The following EPC2 variants were observed in gnomAD, a reference collection of about 807,000 sequenced individuals.
EPC2 encodes the protein enhancer of polycomb homolog 2.
In EPC2, 14 loss-of-function variants were observed where a neutral mutation model predicts 92.1. The ratio of observed to expected loss-of-function variants is 0.15; its 90% CI spans 0.10 to 0.24. EPC2 has a LOEUF of 0.24. Ranked by LOEUF, EPC2 falls within the 10% of genes least tolerant of loss-of-function variation. The probability of loss-of-function intolerance (pLI) is 1.00; values close to 1 mark genes in which losing one functional copy is unlikely to be tolerated. For synonymous variants in EPC2, 340 were observed against 334.7 expected, an observed-to-expected ratio of 1.02 and a Z score of -0.17; for missense variants, 755 against 971.5, an observed-to-expected ratio of 0.78 and a Z score of 2.96.
chr2:148,782,264 C>T (rs1683767189), intron 11 of EPC2, among the ~76,000 whole-genome samples: 1 of 152,096 alleles, frequency 6.6e-6, no homozygotes, highest in Admixed American at 6.5e-5. Flanking sequence ...CAACCAGGCA[C>T]GGTGGCTCAT....
intron 1 of EPC2, among the ~76,000 whole-genome samples, chr2:148,672,631 G>C (rs146215208): frequency 1.2e-3 from 185 of 152,188 alleles, no homozygotes; most frequent in Middle Eastern, 0.01. Context: ...TAATATTATA[G>C]TGTCAAAATT....
chr2:148,730,776 C>T (rs1312528499), intron 2 of EPC2, among the ~76,000 whole-genome samples: 2 of 152,132 alleles, frequency 1.3e-5, no homozygotes, highest in Non-Finnish European at 2.9e-5. Context: ...ATATGTCTAC[C>T]TACTGAGAGG....
chr2:148,758,003 G>T (rs1465135005), intron 4 of EPC2, among the ~76,000 whole-genome samples: 2 of 152,094 alleles, frequency 1.3e-5, no homozygotes, highest in Non-Finnish European at 2.9e-5. Flanking sequence ...CAGAAAATAA[G>T]AATATGATTG....
intron 4 of EPC2, among the ~76,000 whole-genome samples, chr2:148,758,196 A>C (rs1231260747): frequency 6.6e-6 from 1 of 152,184 alleles, no homozygotes; most frequent in Non-Finnish European, 1.5e-5. Context: ...ATGAATAGAC[A>C]GCATTTCCTT....
chr2:148,766,770 A>G (rs1331160360), intron 7 of EPC2, among the ~76,000 whole-genome samples: 1 of 152,216 alleles, frequency 6.6e-6, no homozygotes, highest in Non-Finnish European at 1.5e-5. Context: ...ATACTGGGAA[A>G]TTATTTAAAA....
At chr2:148,706,005 C>T (rs1681991403) in intron 2 of EPC2, among the ~76,000 whole-genome samples, 1 of 152,158 alleles carries the variant, frequency 6.6e-6, no homozygotes, top group African/African-American at 2.4e-5. Flanking sequence ...ATGACTTTGA[C>T]AAATTGACAG....
intron 10 of EPC2, among the ~76,000 whole-genome samples, chr2:148,777,540 A>G (rs996065196): frequency 6.6e-6 from 1 of 152,208 alleles, no homozygotes; most frequent in African/African-American, 2.4e-5. Flanking sequence ...TTTGTTAGTT[A>G]ACAAAGATTT....
intron 2 of EPC2, among the ~76,000 whole-genome samples, chr2:148,725,341 G>A (rs1005141190): frequency 6.6e-6 from 1 of 151,772 alleles, no homozygotes; most frequent in African/African-American, 2.4e-5. Context: ...TTTGCTTTCT[G>A]TTTTTTTAAC....
Position 148,688,749 on chromosome 2 carries a change from T to C in EPC2, c.154-1465T>C, listed in dbSNP as rs757248222. Among the ~76,000 whole-genome samples, 51 of 152,214 alleles carry C rather than the reference T, an allele frequency of 3.4e-4. 1 individual carries two copies. Among genetic ancestry groups the C allele is most frequent in the Non-Finnish European group, 5.3e-4 (36 of 68,024 alleles). On this transcript the variant is annotated intron_variant, in intron 1 of 13. Transcript: ENST00000258484. ...AGGAATCCAGTAAAGATTTCATTTA[T>C]TCATTCAGTTAATGTATGTTAAGCA...
rs576417439 is a variant in EPC2, at chr2:148,648,638, T to TC, written c.153+3473dup. Among the ~76,000 whole-genome samples the TC allele has an allele frequency of 2.2e-4, 34 of 152,238 alleles. No individual in the cohort carries two copies. In the East Asian group the frequency reaches 6.4e-3, roughly 29 times the overall value. On this transcript the variant is annotated intron_variant, in intron 1 of 13. Coordinates refer to ENST00000258484, the MANE Select transcript of EPC2 (RefSeq NM_015630.4). ...GCCTTCATGGATGGCTTTTTCCCATTCCCCCTCTATCCCCACCCACCCTTA... is the reference window on the plus strand; with the variant it reads ...GCCTTCATGGATGGCTTTTTCCCATTCCCCCCTCTATCCCCACCCACCCTTA...
chr2:148,738,728 A>G (rs936111301), intron 2 of EPC2, among the ~76,000 whole-genome samples: 1 of 152,192 alleles, frequency 6.6e-6, no homozygotes, highest in African/African-American at 2.4e-5. Flanking sequence ...GTGAGTTTAT[A>G]ATTTAGAGGC....
chr2:148,714,655 A>G (rs986059438), intron 2 of EPC2, among the ~76,000 whole-genome samples: 3 of 152,172 alleles, frequency 2.0e-5, no homozygotes, highest in Non-Finnish European at 4.4e-5. Flanking sequence ...GCATTTCTCT[A>G]ATGATCAGTG....
chr2:148,677,269 G>A (rs946212789), intron 1 of EPC2, among the ~76,000 whole-genome samples: 17 of 152,320 alleles, frequency 1.1e-4, no homozygotes, highest in African/African-American at 4.1e-4. Context: ...GTTAAATTGA[G>A]GGAGGATGTC....
chr2:148,758,040 A>G (rs1683226957), intron 4 of EPC2, among the ~76,000 whole-genome samples: 1 of 152,106 alleles, frequency 6.6e-6, no homozygotes, highest in African/African-American at 2.4e-5. Context: ...TGTCAGAAGG[A>G]CGCAGGAGCC....
intron 2 of EPC2, among the ~76,000 whole-genome samples, chr2:148,708,696 A>C (rs1373743182): frequency 7.2e-5 from 11 of 152,214 alleles, no homozygotes; most frequent in South Asian, 4.1e-4. Flanking sequence ...CAACATATGC[A>C]AATCAATAAA....
At chr2:148,724,650 A>G (rs762546244) in intron 2 of EPC2, among the ~76,000 whole-genome samples, 7 of 152,158 alleles carry the variant, frequency 4.6e-5, no homozygotes, top group Admixed American at 2.0e-4. Flanking sequence ...AGTTTTCATG[A>G]TATAAAGTCA....
At chr2:148,775,360 C>T (rs1683611244) in intron 10 of EPC2, among the ~76,000 whole-genome samples, 1 of 151,812 alleles carries the variant, frequency 6.6e-6, no homozygotes, top group South Asian at 2.1e-4. Flanking sequence ...TTTGAAATTA[C>T]AGTATTATTT....
chr2:148,786,021 C>T (rs2105444328), intron 13 of EPC2, among the ~76,000 whole-genome samples: 2 of 151,940 alleles, frequency 1.3e-5, no homozygotes, highest in Non-Finnish European at 2.9e-5. Context: ...TCCTGTGATA[C>T]ATATTTCATA....
At chr2:148,674,415 T>C (rs1413792389) in intron 1 of EPC2, among the ~76,000 whole-genome samples, 4 of 152,208 alleles carry the variant, frequency 2.6e-5, no homozygotes, top group African/African-American at 9.6e-5. Context: ...ATGGTCAGAA[T>C]ATTGGATGCA....
Sources: gnomAD v4.1 joint callset for allele counts (sites outside exome capture counted in the v4.1 genomes callset) on GRCh38, gnomAD v4.1.1 for gene constraint, MANE v1.5 for transcripts, NCBI Gene and HGNC (gene_info 2026-07-23, HGNC 2026-07-21) for gene names.